PCBD2: variants seen among roughly 807,000 people sequenced by gnomAD.
The protein encoded by PCBD2 is pterin-4-alpha-carbinolamine dehydratase 2.
A neutral mutation model predicts 16.4 loss-of-function variants in PCBD2; 12 were observed. The ratio of observed to expected loss-of-function variants is 0.73; its 90% CI spans 0.47 to 1.19. The LOEUF (loss-of-function observed/expected upper bound fraction) is 1.19, where lower values mean the gene tolerates loss of function less well. PCBD2 is among the 50% of genes most tolerant of loss of function. PCBD2 has a pLI of 0.00. For missense variants in PCBD2, 138 were observed against 156.8 expected (o/e 0.88, Z 0.64); for synonymous variants, 58 against 61.8 (o/e 0.94, Z 0.29).
At chr5:134,922,772 C>G (rs1393022269) in intron 2 of PCBD2, among the ~76,000 whole-genome samples, 1 of 151,774 alleles carries the variant, frequency 6.6e-6, no homozygotes, top group Non-Finnish European at 1.5e-5. Flanking sequence ...ACGCTATTCT[C>G]CTGCCTCAGC....
chr5:134,946,466 C>A (rs1046265223), intron 2 of PCBD2, among the ~76,000 whole-genome samples: 1 of 152,118 alleles, frequency 6.6e-6, no homozygotes, highest in Non-Finnish European at 1.5e-5. Context: ...TTACCAGGAG[C>A]TAATATTTGG....
chr5:134,920,659 C>CT (rs36005222), intron 2 of PCBD2, among the ~76,000 whole-genome samples: 5,319 of 140,026 alleles, frequency 0.038, 302 homozygotes, highest in African/African-American at 0.12. Context: ...AGGATGGAGG[C>CT]TTTTTTTTTT....
At chr5:134,915,976 T>C (rs1750827691) in intron 2 of PCBD2, among the ~76,000 whole-genome samples, 1 of 152,066 alleles carries the variant, frequency 6.6e-6, no homozygotes, top group African/African-American at 2.4e-5. Context: ...TGACCCACAC[T>C]TGGTGGTGTC....
At chr5:134,948,557 A>C (rs1458340030) in intron 2 of PCBD2, among the ~76,000 whole-genome samples, 1 of 152,160 alleles carries the variant, frequency 6.6e-6, no homozygotes, top group Non-Finnish European at 1.5e-5. Flanking sequence ...TTACTGATGT[A>C]TTGAAAGTCC....
chr5:134,918,102 G>A (rs965908564), intron 2 of PCBD2, among the ~76,000 whole-genome samples: 3 of 152,212 alleles, frequency 2.0e-5, no homozygotes, highest in Non-Finnish European at 2.9e-5. Flanking sequence ...TCAAAGTTAT[G>A]AGTGAGTAAT....
chr5:134,910,243 CTT>C, intron 1 of PCBD2, 90 bp from the exon 2 acceptor site: 1 of 1,392,968 alleles, frequency 7.2e-7, no homozygotes, highest in Non-Finnish European at 9.8e-7. Flanking sequence ...GCCTTTCAGA[CTT>C]TTCTACATCT....
intron 2 of PCBD2, among the ~76,000 whole-genome samples, chr5:134,949,202 C>T (rs189618496): frequency 4.5e-4 from 69 of 152,196 alleles, no homozygotes; most frequent in African/African-American, 1.4e-3. Context: ...GAAATCTTCC[C>T]GTGCCGACAC....
At chr5:134,912,013 C>G (rs557709072) in intron 2 of PCBD2, among the ~76,000 whole-genome samples, 1 of 152,222 alleles carries the variant, frequency 6.6e-6, no homozygotes, top group South Asian at 2.1e-4. Flanking sequence ...TTAAAGTACT[C>G]GAATGGTGTT....
rs1472294832 is a variant in PCBD2, at chr5:134,960,712, C to T, written c.*31C>T. On this transcript the variant is annotated 3_prime_UTR_variant, in exon 4 of 4. Transcript: ENST00000254908. ...TCCAAAATACATGTAAAATCTTGTACACATCTTAGCTGCAATGTATGTTGA... is the reference window on the plus strand; with the variant it reads ...TCCAAAATACATGTAAAATCTTGTATACATCTTAGCTGCAATGTATGTTGA... The T allele has an allele frequency of 1.3e-6, 2 of 1,487,718 alleles. No individual in the cohort carries two copies. The highest frequency in any genetic ancestry group is 1.2e-5 in the South Asian group (1 of 86,758). 92.2% of individuals were successfully genotyped at this position (1,487,718 alleles called of 1,614,324 possible). A position where few individuals can be genotyped will look rare whatever the true frequency, so the allele number is the denominator to read the frequency against.
At chr5:134,912,881 T>G (rs1750785018) in intron 2 of PCBD2, among the ~76,000 whole-genome samples, 1 of 152,228 alleles carries the variant, frequency 6.6e-6, no homozygotes, top group Non-Finnish European at 1.5e-5. Context: ...CTGGCGCTGA[T>G]GGGTCCTCAT....
In PCBD2 at chr5:134,947,209, C is replaced by T. The variant is rs959258491; in HGVS notation, c.217-11831C>T. On this transcript the variant is annotated intron_variant, in intron 2 of 3. Coordinates refer to ENST00000254908, the MANE Select transcript of PCBD2 (RefSeq NM_032151.5). ...CTGGGTTCAAGCGATTATCCTGCCT[C>T]AGCCTCCCGAGTAGCTGGGATTACA... 7.9e-5 allele frequency among the ~76,000 whole-genome samples: 12 copies of T among 151,772 alleles called. No individual in the cohort carries two copies. The East Asian group carries it at 2.3e-3, about 29-fold the overall frequency.
At chr5:134,941,714 T>G (rs1315745698) in intron 2 of PCBD2, among the ~76,000 whole-genome samples, 2 of 152,158 alleles carry the variant, frequency 1.3e-5, no homozygotes, top group East Asian at 3.8e-4. Flanking sequence ...CACAATTAAA[T>G]GAATATTATA....
chr5:134,910,242 A>G (rs1750751090), intron 1 of PCBD2, 93 bp from the exon 2 acceptor site: 3 of 1,372,740 alleles, frequency 2.2e-6, no homozygotes, highest in African/African-American at 2.9e-5. Context: ...TGCCTTTCAG[A>G]CTTTTCTACA....
chr5:134,960,758 TAGAG>T lies in PCBD2; in HGVS notation c.*78_*81del. ...GTTGAAGGAAATTTATGTGAACAAA[TAGAG>T]TTGTTCTTTTTCTCTTTTTTTTAAG... On this transcript the variant is annotated 3_prime_UTR_variant, in exon 4 of 4. Coordinates refer to ENST00000254908, the MANE Select transcript of PCBD2 (RefSeq NM_032151.5). 8.4e-7 allele frequency: 1 copy of T among 1,187,798 alleles called. No individual in the cohort carries two copies. The highest frequency in any genetic ancestry group is 1.2e-6 in the Non-Finnish European group (1 of 811,464). 73.6% of individuals were successfully genotyped at this position (1,187,798 alleles called of 1,614,324 possible).
intron 2 of PCBD2, among the ~76,000 whole-genome samples, chr5:134,941,118 GAAAAAAAA>G (rs764468793): frequency 1.4e-4 from 11 of 80,212 alleles, no homozygotes; most frequent in Admixed American, 1.4e-4. Context: ...CCATCTCAAG[GAAAAAAAA>G]AAAAAAAAAA....
At chr5:134,929,333 C>CGA (rs2149534944) in intron 2 of PCBD2, among the ~76,000 whole-genome samples, 1 of 139,658 alleles carries the variant, frequency 7.2e-6, no homozygotes, top group African/African-American at 2.7e-5. Flanking sequence ...GGTAATAGAG[C>CGA]GAGACCTTGT....
intron 1 of PCBD2, among the ~76,000 whole-genome samples, chr5:134,906,425 C>A (rs1047076876): frequency 6.6e-6 from 1 of 151,226 alleles, no homozygotes; most frequent in Admixed American, 6.6e-5. Flanking sequence ...AGGATGGTCT[C>A]GATCTCCTGA....
intron 2 of PCBD2, among the ~76,000 whole-genome samples, chr5:134,939,596 G>T (rs957118358): frequency 3.3e-5 from 5 of 152,030 alleles, no homozygotes; most frequent in African/African-American, 9.7e-5. Flanking sequence ...AACTTTAAAT[G>T]CATCTAAGGA....
intron 1 of PCBD2, among the ~76,000 whole-genome samples, chr5:134,905,983 C>T (rs1750683299): frequency 6.6e-6 from 1 of 151,980 alleles, no homozygotes; most frequent in Non-Finnish European, 1.5e-5. Context: ...CGCTATTCTC[C>T]TGCCTCACCC....
Sources: gnomAD v4.1 joint callset for allele counts (sites outside exome capture counted in the v4.1 genomes callset) on GRCh38, gnomAD v4.1.1 for gene constraint, MANE v1.5 for transcripts, NCBI Gene and HGNC (gene_info 2026-07-23, HGNC 2026-07-21) for gene names.